The following MAST4 variants were observed in gnomAD, a reference collection of about 807,000 sequenced individuals.
MAST4 encodes the protein microtubule-associated serine/threonine-protein kinase 4.
MAST4 carries 89 observed loss-of-function variants against 162.7 expected under a neutral mutation model. That is an observed-to-expected ratio of 0.55 (90% CI 0.46 to 0.65). The LOEUF is 0.65. Ranked by LOEUF, MAST4 falls within the 30% of genes least tolerant of loss-of-function variation. The pLI is 0.00. For missense variants in MAST4, 3,153 were observed against 3,374.0 expected, an observed-to-expected ratio of 0.93 and a Z score of 1.62; for synonymous variants, 1,479 against 1,361.1, an observed-to-expected ratio of 1.09 and a Z score of -1.91.
intron 23 of MAST4, among the ~76,000 whole-genome samples, chr5:67,145,691 T>C (rs1291639426): frequency 6.6e-6 from 1 of 152,160 alleles, no homozygotes; most frequent in Admixed American, 6.5e-5. Flanking sequence ...TAAGGGAGCG[T>C]GTTCTCAGTT....
chr5:66,898,736 G>T (rs1762834750), intron 3 of MAST4, among the ~76,000 whole-genome samples: 1 of 152,184 alleles, frequency 6.6e-6, no homozygotes, highest in South Asian at 2.1e-4. Context: ...TCTTGCTTTT[G>T]AACAGTTATG....
At chr5:66,864,284 A>G (rs905729162) in intron 3 of MAST4, among the ~76,000 whole-genome samples, 1 of 152,232 alleles carries the variant, frequency 6.6e-6, no homozygotes, top group Admixed American at 6.5e-5. Flanking sequence ...AAGCATGGGC[A>G]TTCTTTGCAA....
chr5:66,911,578 A>G (rs1319433005), intron 4 of MAST4, among the ~76,000 whole-genome samples: 5 of 44,590 alleles, frequency 1.1e-4, no homozygotes, highest in African/African-American at 4.6e-4. Flanking sequence ...CCCCCCCCGC[A>G]AAAAAAAATT....
At chr5:67,043,331 A>G (rs975480962) in intron 4 of MAST4, among the ~76,000 whole-genome samples, 9 of 152,326 alleles carry the variant, frequency 5.9e-5, no homozygotes, top group Non-Finnish European at 1.3e-4. Flanking sequence ...GTATATTCAA[A>G]TAAGTTTTGG....
chr5:66,931,592 C>T (rs1477568775), intron 4 of MAST4, among the ~76,000 whole-genome samples: 2 of 152,132 alleles, frequency 1.3e-5, no homozygotes, highest in Non-Finnish European at 2.9e-5. Context: ...TTGAGCTAGA[C>T]ATTATGTTGG....
chr5:66,786,069 A>C (rs538420005), intron 2 of MAST4, among the ~76,000 whole-genome samples: 1 of 152,018 alleles, frequency 6.6e-6, no homozygotes, highest in East Asian at 1.9e-4. Context: ...GGACCTCACT[A>C]TGTTGCCCAG....
intron 4 of MAST4, among the ~76,000 whole-genome samples, chr5:66,934,148 A>C (rs1253375861): frequency 6.6e-6 from 1 of 152,148 alleles, no homozygotes; most frequent in Non-Finnish European, 1.5e-5. Context: ...TAATGATGAT[A>C]CTCTGCTGAG....
At chr5:66,971,520 A>C (rs541820308) in intron 4 of MAST4, among the ~76,000 whole-genome samples, 2 of 152,298 alleles carry the variant, frequency 1.3e-5, no homozygotes, top group African/African-American at 4.8e-5. Flanking sequence ...GAGCCCGGAC[A>C]CTTTCTTGAT....
intron 3 of MAST4, among the ~76,000 whole-genome samples, chr5:66,855,453 T>G (rs987531972): frequency 1.3e-5 from 2 of 152,148 alleles, no homozygotes; most frequent in African/African-American, 4.8e-5. Flanking sequence ...AATCCACGAT[T>G]AAGAAAAATA....
intron 3 of MAST4, among the ~76,000 whole-genome samples, chr5:66,875,896 G>C (rs1474474718): frequency 6.6e-6 from 1 of 152,144 alleles, no homozygotes; most frequent in Non-Finnish European, 1.5e-5. Flanking sequence ...CAGGTAGCTA[G>C]GACTACAGGT....
At position 67,122,685 on chromosome 5, in the gene MAST4, A is replaced by T. The variant is rs118016151; in HGVS notation, c.1745+1583A>T. On this transcript the variant is annotated intron_variant, in intron 14 of 28. Transcript: ENST00000403625. ...TTTTTATTAGCAGTGGAATTCTGGA[A>T]TAAGATTATCTGTGAAGCACGACTT... is the stretch of plus-strand genomic sequence containing the variant. Among the ~76,000 whole-genome samples the T allele has an allele frequency of 6.2e-4, 94 of 152,328 alleles. 2 individuals are homozygous for T. In the East Asian group the frequency reaches 0.017, roughly 28 times the overall value.
intron 2 of MAST4, among the ~76,000 whole-genome samples, chr5:66,781,305 T>C (rs1394995120): frequency 1.3e-5 from 2 of 152,200 alleles, no homozygotes; most frequent in Admixed American, 6.5e-5. Flanking sequence ...GTGTAAACTT[T>C]CTGGGAGCTG....
intron 4 of MAST4, among the ~76,000 whole-genome samples, chr5:66,989,452 G>T (rs900644235): frequency 1.3e-5 from 2 of 152,146 alleles, no homozygotes; most frequent in African/African-American, 4.8e-5. Flanking sequence ...GAGGCATGTG[G>T]CAGCTCAGAA....
chr5:66,652,377 C>G (rs1746284528), intron 1 of MAST4, among the ~76,000 whole-genome samples: 1 of 152,048 alleles, frequency 6.6e-6, no homozygotes, highest in African/African-American at 2.4e-5. Context: ...ATAATTATTA[C>G]AAAAAGAGAT....
intron 4 of MAST4, among the ~76,000 whole-genome samples, chr5:67,018,181 A>T (rs1474625702): frequency 6.6e-6 from 1 of 152,210 alleles, no homozygotes; most frequent in African/African-American, 2.4e-5. Context: ...AGAAAAATGC[A>T]TCAGAATGGG....
chr5:67,048,217 G>A (rs1757614590), intron 4 of MAST4, among the ~76,000 whole-genome samples: 1 of 152,078 alleles, frequency 6.6e-6, no homozygotes, highest in South Asian at 2.1e-4. Flanking sequence ...AAAAAGAAAT[G>A]TCCATGATAT....
intron 1 of MAST4, among the ~76,000 whole-genome samples, chr5:66,746,856 T>G (rs985297833): frequency 6.6e-6 from 1 of 152,238 alleles, no homozygotes; most frequent in Admixed American, 6.5e-5. Context: ...GTTCTCCCAG[T>G]GTCATTGTTC....
intron 2 of MAST4, among the ~76,000 whole-genome samples, chr5:66,780,897 C>T (rs1448980159): frequency 6.6e-6 from 1 of 152,206 alleles, no homozygotes; most frequent in Non-Finnish European, 1.5e-5. Context: ...AATCCTCTAG[C>T]TAGACAGAAA....
Position 67,163,289 on chromosome 5 carries a change from C to T in MAST4, c.4110C>T (p.Ser1370=), listed in dbSNP as rs779293062. The part of the protein sequence containing the change: ...GQRYRSGRRK[S]AGNIPLSPLA... ...GGTACCGGTCCGGAAGGCGAAAGTC[C>T]GCCGGCAACATCCCACTGTCCCCGC... The change falls in exon 29 of 29, where the codon TCC becomes TCT. Residue 1370 remains serine (S), a synonymous_variant. Transcript: ENST00000403625. The surrounding 1 kb of genome is among the most constrained non-coding windows in gnomAD (Gnocchi z 7.0). 1.9e-5 allele frequency: 30 copies of T among 1,613,238 alleles called. No individual in the cohort carries two copies. Among genetic ancestry groups the T allele is most frequent in the Middle Eastern group, 1.6e-4 (1 of 6,084 alleles).
Sources: allele counts gnomAD v4.1 joint callset (sites outside exome capture counted in the v4.1 genomes callset), GRCh38; gene constraint gnomAD v4.1.1; non-coding constraint Gnocchi (gnomAD v3.1); transcripts MANE v1.5; gene names NCBI Gene and HGNC (gene_info 2026-07-23, HGNC 2026-07-21).